LIG1: variants seen among roughly 807,000 people sequenced by gnomAD.
The protein encoded by LIG1 is DNA ligase 1, also known as ligase I, DNA, ATP-dependent.
LIG1 carries 70 observed loss-of-function variants against 115.7 expected under a neutral mutation model. That is an observed-to-expected ratio of 0.60 (90% CI 0.50 to 0.74). The LOEUF (loss-of-function observed/expected upper bound fraction) is 0.74. Ranked by LOEUF, LIG1 falls within the 30% of genes least tolerant of loss-of-function variation. LIG1 has a pLI of 0.00. For synonymous variants in LIG1, 487 were observed against 495.3 expected (o/e 0.98, Z 0.22); for missense variants, 1,115 against 1,225.6 (o/e 0.91, Z 1.35).
At chr19:48,156,263 C>T (rs2035829163) in intron 5 of LIG1, among the ~76,000 whole-genome samples, 2 of 151,864 alleles carry the variant, frequency 1.3e-5, no homozygotes, top group Non-Finnish European at 2.9e-5. Flanking sequence ...TCTTCTTTGT[C>T]CTAAAGGGCT....
intron 18 of LIG1, among the ~76,000 whole-genome samples, 192 bp downstream of exon 18, chr19:48,132,790 C>CATAAAAAAA (rs2034117203): frequency 2.1e-5 from 1 of 48,260 alleles, no homozygotes; most frequent in African/African-American, 1.1e-4. Flanking sequence ...GACTCTGTCT[C>CATAAAAAAA]AAAAAAAAAA....
At chr19:48,142,023 C>T (rs1367816880) in intron 11 of LIG1, among the ~76,000 whole-genome samples, 2 of 152,102 alleles carry the variant, frequency 1.3e-5, no homozygotes, top group East Asian at 1.9e-4. Context: ...AGAAGAGGGC[C>T]GGGTGTGGTG....
chr19:48,125,859 A>C (rs1266694322), intron 21 of LIG1, among the ~76,000 whole-genome samples: 1 of 151,758 alleles, frequency 6.6e-6, no homozygotes, highest in African/African-American at 2.4e-5. Flanking sequence ...GTGGTGGTGC[A>C]CGCCTGTAAT....
chr19:48,157,278 T>A, intron 4 of LIG1, 138 bp from the exon 5 acceptor site: 1 of 918,106 alleles, frequency 1.1e-6, no homozygotes. Context: ...AACTCAGGGG[T>A]GGCCTCTTCT....
intron 1 of LIG1, among the ~76,000 whole-genome samples, chr19:48,168,266 T>C (rs1022915245): frequency 3.3e-5 from 5 of 152,136 alleles, no homozygotes; most frequent in African/African-American, 1.2e-4. Flanking sequence ...CATTCTCAAA[T>C]ACCCTCAATC....
Position 48,151,446 on chromosome 19 carries a change from T to C in LIG1, c.467-107A>G, listed in dbSNP as rs532497737. The stretch of plus-strand genomic sequence containing the variant: ...CTCATCTGTCATCTGTTCTTTTTTT[T>C]GAGACAGAGTTTCGTTCTTACCGCC... On this transcript the variant is annotated intron_variant, in intron 6 of 27. Transcript: ENST00000263274. The C allele has an allele frequency of 7.4e-4, 570 of 774,958 alleles. 2 individuals carry two copies. The highest frequency in any genetic ancestry group is 1.0e-3 in the Non-Finnish European group (446 of 437,146). The allele number at this position is 774,958 out of a possible 1,614,324, so 48.0% of individuals were successfully genotyped here.
chr19:48,143,084 G>C (rs937625739), intron 11 of LIG1, among the ~76,000 whole-genome samples: 2 of 152,222 alleles, frequency 1.3e-5, no homozygotes, highest in African/African-American at 4.8e-5. Context: ...GGACCAGGGT[G>C]GGGCAGTGCT....
At chr19:48,143,682 T>G in intron 10 of LIG1, 83 bp from the exon 11 acceptor site, 1 of 1,243,622 alleles carries the variant, frequency 8.0e-7, no homozygotes, top group Non-Finnish European at 1.2e-6. Context: ...TCCTCACGCC[T>G]CCTCGGGACA....
rs546170392 is a variant in LIG1 at position 48,138,424 on chromosome 19, C to T, written c.1088-736G>A. Among the ~76,000 whole-genome samples the T allele has an allele frequency of 2.9e-4, 44 of 152,336 alleles. No homozygotes were observed. In the South Asian group the frequency reaches 5.0e-3, roughly 17 times the overall value. Reference sequence around the variant, plus strand: ...AATCCGTAATGAACGAACAAGTGCGCGTTTCAGTCCACAGATGCTCAGCCG... The same window carrying T: ...AATCCGTAATGAACGAACAAGTGCGTGTTTCAGTCCACAGATGCTCAGCCG... On this transcript the variant is annotated intron_variant, in intron 12 of 27. Coordinates refer to ENST00000263274, the MANE Select transcript of LIG1 (RefSeq NM_000234.3).
At chr19:48,124,130 T>A (rs2033499249) in intron 21 of LIG1, among the ~76,000 whole-genome samples, 2 of 152,252 alleles carry the variant, frequency 1.3e-5, no homozygotes, top group African/African-American at 4.8e-5. Context: ...GTTTCTGGTC[T>A]GCCCTTTGCT....
rs3729518 is a variant in LIG1, at chr19:48,133,484, G to C, written c.1610-387C>G. Reference sequence around the variant, plus strand: ...GAGGGACACAGGAACCTGGGTCCCCGGGTCATCCCTGGGACACAGCTGCAC... The same window carrying C: ...GAGGGACACAGGAACCTGGGTCCCCCGGTCATCCCTGGGACACAGCTGCAC... On this transcript the variant is annotated intron_variant, in intron 17 of 27. Transcript: ENST00000263274. 1.3e-5 allele frequency: 4 copies of C among 312,618 alleles called. No individual in the cohort carries two copies. The East Asian group carries it at 3.2e-4, about 25-fold the overall frequency. 19.4% of individuals were successfully genotyped at this position (312,618 alleles called of 1,614,324 possible). A position where few individuals can be genotyped will look rare whatever the true frequency, so the allele number is the denominator to read the frequency against.
Position 48,151,532 on chromosome 19 carries a change from C to A in LIG1, c.467-193G>T, listed in dbSNP as rs1005744257. On this transcript the variant is annotated intron_variant, in intron 6 of 27. Transcript: ENST00000263274. Reference sequence around the variant, plus strand: ...GCAACCTCTGCCTCCTGGGTTCATGCGATTCTCCTGCCTCAGCCTCCCGAG... The same window carrying A: ...GCAACCTCTGCCTCCTGGGTTCATGAGATTCTCCTGCCTCAGCCTCCCGAG... The A allele has an allele frequency of 1.8e-5, 9 of 499,948 alleles. No individual in the cohort carries two copies. The Admixed American group carries it at 2.3e-4, about 13-fold the overall frequency. 31.0% of individuals were successfully genotyped at this position (499,948 alleles called of 1,614,324 possible).
chr19:48,156,168 C>T (rs2035822994), intron 5 of LIG1, among the ~76,000 whole-genome samples: 1 of 152,214 alleles, frequency 6.6e-6, no homozygotes, highest in African/African-American at 2.4e-5. Flanking sequence ...CACGCCAGCA[C>T]ACCAGGCCCT....
rs556680104 is a variant in LIG1 at position 48,163,468 on chromosome 19, G to A, written c.18-1117C>T. 1.6e-4 allele frequency among the ~76,000 whole-genome samples: 25 copies of A among 152,014 alleles called. No homozygotes were observed. The East Asian group carries it at 4.1e-3, about 25-fold the overall frequency. ...ACTCCTGATCTCAGGTGATCCTCCT[G>A]CCTCCCAAAGTGCTGGGATTACAGG... On this transcript the variant is annotated intron_variant, in intron 2 of 27. Transcript: ENST00000263274.
chr19:48,169,891 T>C (rs1280442732), intron 1 of LIG1: 1 of 91,814 alleles, frequency 1.1e-5, no homozygotes, highest in African/African-American at 5.0e-5. Flanking sequence ...GATTTCCAGC[T>C]GGCCCCGCCC....
chr19:48,159,299 T>G (rs912116819), intron 4 of LIG1, among the ~76,000 whole-genome samples: 2 of 152,216 alleles, frequency 1.3e-5, no homozygotes, highest in Admixed American at 6.5e-5. Context: ...CTCGAACTTC[T>G]GACCTCGTGA....
Position 48,165,623 on chromosome 19 carries a change from C to A in LIG1, c.-57G>T. On this transcript the variant is annotated splice_region_variant and 5_prime_UTR_variant, in exon 2 of 28. Coordinates refer to ENST00000263274, the MANE Select transcript of LIG1 (RefSeq NM_000234.3). ...CACTTTTCTTCGTCTGTCAGCTGCT[C>A]CTGGAACAGAAATCCAAACACTTGT... The A allele has an allele frequency of 6.2e-7, 1 of 1,613,110 alleles. No homozygotes were observed. The highest frequency in any genetic ancestry group is 8.5e-7 in the Non-Finnish European group (1 of 1,179,310).
At position 48,162,287 on chromosome 19, in the gene LIG1, T is replaced by C. The variant is rs1474189310; in HGVS notation, c.82A>G (p.Ser28Gly). The change falls in exon 3 of 28, where the codon AGC becomes GGC. Residue 28 changes from serine to glycine, a missense_variant. Coordinates refer to ENST00000263274, the MANE Select transcript of LIG1 (RefSeq NM_000234.3). Reference protein sequence around the residue: ...KKPEKEASNSSRETEPPPKAA... With the variant: ...KKPEKEASNSGRETEPPPKAA... Reference sequence around the variant, plus strand: ...TTTGGAGGGGGCTCCGTCTCTCTGCTGCTATTGGATGCCTCCTTCTCAGGC... The same window carrying C: ...TTTGGAGGGGGCTCCGTCTCTCTGCCGCTATTGGATGCCTCCTTCTCAGGC... 6.2e-7 allele frequency: 1 copy of C among 1,614,002 alleles called. No individual in the cohort carries two copies. The highest frequency in any genetic ancestry group is 1.3e-5 in the African/African-American group (1 of 74,930).
chr19:48,131,942 T>C (rs910633045), intron 18 of LIG1, among the ~76,000 whole-genome samples: 3 of 151,702 alleles, frequency 2.0e-5, no homozygotes, highest in Non-Finnish European at 2.9e-5. Context: ...CCCTTTTTTT[T>C]TTTTTTTTTT....
Sources: gnomAD v4.1 joint callset for allele counts (sites outside exome capture counted in the v4.1 genomes callset) on GRCh38, gnomAD v4.1.1 for gene constraint, MANE v1.5 for transcripts, NCBI Gene and HGNC (gene_info 2026-07-23, HGNC 2026-07-21) for gene names.